RPS6KC1: variants seen among roughly 807,000 people sequenced by gnomAD.
RPS6KC1 encodes the protein inactive ribosomal protein S6 kinase delta-1.
RPS6KC1 carries 54 observed loss-of-function variants against 103.8 expected under a neutral mutation model. The observed-to-expected ratio is 0.52, with a 90% CI of 0.42 to 0.65. The LOEUF (loss-of-function observed/expected upper bound fraction) is 0.65. RPS6KC1 is among the 30% of genes least tolerant of loss of function. RPS6KC1 has a pLI of 0.00. For missense variants in RPS6KC1, 1,151 were observed against 1,253.8 expected, an observed-to-expected ratio of 0.92 and a Z score of 1.24; for synonymous variants, 439 against 438.7, an observed-to-expected ratio of 1.00 and a Z score of -0.01.
chr1:213,574,476 A>G, the RPS6KC1 span, among the ~76,000 whole-genome samples: 1 of 152,248 alleles, frequency 6.6e-6, no homozygotes, highest in East Asian at 1.9e-4. Flanking sequence ...TCCTGGAATT[A>G]TACCCTGGAG....
At chr1:213,557,770 T>C in the RPS6KC1 span, among the ~76,000 whole-genome samples, 2 of 152,170 alleles carry the variant, frequency 1.3e-5, no homozygotes, top group East Asian at 3.9e-4. Context: ...TCATTGTTCA[T>C]GGGGCAGAGG....
chr1:213,383,872 A>G, the RPS6KC1 span, among the ~76,000 whole-genome samples: 4,156 of 152,218 alleles, frequency 0.027, 194 homozygotes, highest in African/African-American at 0.095. Flanking sequence ...TTGATCTTGG[A>G]CTTCCCAGCC....
chr1:213,656,036 T>C, the RPS6KC1 span, among the ~76,000 whole-genome samples: 1 of 152,216 alleles, frequency 6.6e-6, no homozygotes, highest in African/African-American at 2.4e-5. Context: ...AGCATTTATA[T>C]GGTGGTGACT....
intron 1 of RPS6KC1, among the ~76,000 whole-genome samples, chr1:213,068,434 A>G (rs1264502319): frequency 7.1e-6 from 1 of 141,782 alleles, no homozygotes; most frequent in Non-Finnish European, 1.5e-5. Flanking sequence ...CAGTGAGCCA[A>G]GATCGCGCCA....
At chr1:213,084,491 C>G (rs770418504) in intron 3 of RPS6KC1, among the ~76,000 whole-genome samples, 7 of 152,154 alleles carry the variant, frequency 4.6e-5, no homozygotes, top group Non-Finnish European at 8.8e-5. Flanking sequence ...CCCTTTACTC[C>G]TAAGCACTTC....
chr1:213,262,612 C>G (rs1276146370), intron 13 of RPS6KC1, 109 bp from the exon 14 acceptor site: 3 of 754,120 alleles, frequency 4.0e-6, no homozygotes, highest in African/African-American at 3.4e-5. Flanking sequence ...TACTACACTT[C>G]CAGTTAAAAT....
the RPS6KC1 span, among the ~76,000 whole-genome samples, chr1:213,469,853 C>T: frequency 5.9e-5 from 9 of 152,232 alleles, no homozygotes; most frequent in African/African-American, 9.6e-5. Flanking sequence ...CCCATCTCTA[C>T]GAAAAAGCAT....
chr1:213,582,195 CAGCTGAA>C, the RPS6KC1 span, among the ~76,000 whole-genome samples: 1 of 149,914 alleles, frequency 6.7e-6, no homozygotes, highest in Admixed American at 6.6e-5. Flanking sequence ...GAAATTGCTG[CAGCTGAA>C]AGGTAAAGGA....
chr1:213,680,640 T>C, the RPS6KC1 span, among the ~76,000 whole-genome samples: 3 of 152,156 alleles, frequency 2.0e-5, no homozygotes, highest in South Asian at 4.1e-4. Context: ...AAGCGCCTTT[T>C]TTATACTATT....
At chr1:213,314,163 G>A in the RPS6KC1 span, among the ~76,000 whole-genome samples, 4 of 152,000 alleles carry the variant, frequency 2.6e-5, no homozygotes, top group Non-Finnish European at 5.9e-5. Flanking sequence ...CTGCTGTCAC[G>A]TGGCATCTGC....
chr1:213,618,181 A>G, the RPS6KC1 span, among the ~76,000 whole-genome samples: 4 of 152,240 alleles, frequency 2.6e-5, no homozygotes, highest in African/African-American at 9.6e-5. Flanking sequence ...GGATTATAAA[A>G]AGCAATAAAC....
At chr1:213,546,192 C>T in the RPS6KC1 span, 2 of 152,238 alleles carry the variant, frequency 1.3e-5, no homozygotes. Flanking sequence ...TTGTTGAGCA[C>T]TTACTCTGCC....
chr1:213,763,697 C>T, the RPS6KC1 span, among the ~76,000 whole-genome samples: 1 of 152,170 alleles, frequency 6.6e-6, no homozygotes, highest in Non-Finnish European at 1.5e-5. Flanking sequence ...CTGGAATAAA[C>T]GAGTAAGATT....
chr1:213,831,271 A>C, the RPS6KC1 span, among the ~76,000 whole-genome samples: 1 of 152,206 alleles, frequency 6.6e-6, no homozygotes, highest in Non-Finnish European at 1.5e-5. Context: ...AAAGATCTTG[A>C]GATGGGGGGA....
intron 5 of RPS6KC1, among the ~76,000 whole-genome samples, chr1:213,126,226 A>T (rs998424451): frequency 6.6e-6 from 1 of 152,120 alleles, no homozygotes; most frequent in African/African-American, 2.4e-5. Context: ...AAATTTATAT[A>T]TATTTCTTAG....
chr1:213,779,358 A>G, the RPS6KC1 span, among the ~76,000 whole-genome samples: 3 of 152,162 alleles, frequency 2.0e-5, no homozygotes, highest in African/African-American at 7.2e-5. Context: ...ATCTCCGGAC[A>G]AGTCTCCTTC....
In RPS6KC1 at chr1:213,176,597, A is replaced by G. The variant is rs1034156807; in HGVS notation, c.1044+105A>G. On this transcript the variant is annotated intron_variant, in intron 8 of 14. Transcript: ENST00000366960. Reference sequence around the variant, plus strand: ...TAAGGATATGAAACAAAAGGAGAAAATGACTCAAATGCATGTGCACTTTAC... The same window carrying G: ...TAAGGATATGAAACAAAAGGAGAAAGTGACTCAAATGCATGTGCACTTTAC... 1.0e-5 allele frequency: 7 copies of G among 681,476 alleles called. No individual in the cohort carries two copies. In the African/African-American group the frequency reaches 1.2e-4, roughly 12 times the overall value. 42.2% of individuals were successfully genotyped at this position (681,476 alleles called of 1,614,324 possible). A position where few individuals can be genotyped will look rare whatever the true frequency, so the allele number is the denominator to read the frequency against.
chr1:213,340,005 G>A, the RPS6KC1 span, among the ~76,000 whole-genome samples: 1 of 152,202 alleles, frequency 6.6e-6, no homozygotes, highest in Admixed American at 6.5e-5. Flanking sequence ...CAATTCTCCT[G>A]CCTCAGCCTC....
the RPS6KC1 span, chr1:213,821,000 T>G: frequency 2.0e-5 from 3 of 152,084 alleles, no homozygotes; most frequent in Non-Finnish European, 4.4e-5. Flanking sequence ...AGGCCGTAAC[T>G]TTCCTCTCTG....
Sources: gnomAD v4.1 joint callset for allele counts (sites outside exome capture counted in the v4.1 genomes callset) on GRCh38, gnomAD v4.1.1 for gene constraint, MANE v1.5 for transcripts, NCBI Gene and HGNC (gene_info 2026-07-23, HGNC 2026-07-21) for gene names.